MCF2L: variants seen among roughly 807,000 people sequenced by gnomAD.
The protein encoded by MCF2L is guanine nucleotide exchange factor DBS.
MCF2L carries 97 observed loss-of-function variants against 153.4 expected under a neutral mutation model. The observed-to-expected ratio is 0.63, with a 90% CI of 0.54 to 0.75. The LOEUF (loss-of-function observed/expected upper bound fraction) is 0.75, where lower values mean the gene tolerates loss of function less well. Ranked by LOEUF, MCF2L falls within the 30% of genes least tolerant of loss-of-function variation. The pLI, the probability that MCF2L is intolerant of heterozygous loss-of-function variation, is 0.00. For missense variants in MCF2L, 1,347 were observed against 1,495.2 expected, an observed-to-expected ratio of 0.90 and a Z score of 1.64; for synonymous variants, 659 against 632.2, an observed-to-expected ratio of 1.04 and a Z score of -0.64.
At chr13:113,032,950 AGTGGACCCCGTGATG>A (rs2085819728) in intron 3 of MCF2L, among the ~76,000 whole-genome samples, 1 of 151,930 alleles carries the variant, frequency 6.6e-6, no homozygotes, top group Non-Finnish European at 1.5e-5. Context: ...CCGTGACGTG[AGTGGACCCCGTGATG>A]TGAGTGGACC....
intron 13 of MCF2L, 91 bp downstream of exon 13, chr13:113,077,302 G>A: frequency 7.2e-7 from 1 of 1,383,196 alleles, no homozygotes; most frequent in East Asian, 2.6e-5. Flanking sequence ...GCAGCCACCT[G>A]CGAAAACTGT....
In MCF2L at chr13:113,094,554, C is replaced by T. The variant is rs184014403; in HGVS notation, c.2994C>T (p.Asp998=). 57 of 1,612,508 alleles carry T rather than the reference C, an allele frequency of 3.5e-5. No homozygotes were observed. Among genetic ancestry groups the T allele is most frequent in the African/African-American group, 9.3e-5 (7 of 75,058 alleles). Residue 998 remains aspartate, a synonymous_variant, in exon 27 of 30, where the codon GAC becomes GAT. Coordinates refer to ENST00000535094, the MANE Select transcript of MCF2L (RefSeq NM_001112732.3). ...CCCACTCACTGGAGGCACCTGAGGACGACGGGGGCTGGTCAAGTGCAGAGG... is the reference window on the plus strand; with the variant it reads ...CCCACTCACTGGAGGCACCTGAGGATGACGGGGGCTGGTCAAGTGCAGAGG... ...KTSHSLEAPE[D]DGGWSSAEEQ... is the part of the protein sequence containing the mutation.
intron 1 of MCF2L, among the ~76,000 whole-genome samples, chr13:112,999,325 G>A (rs1318527780): frequency 2.0e-5 from 3 of 152,156 alleles, no homozygotes; most frequent in African/African-American, 7.2e-5. Context: ...GAGACGCACA[G>A]AAGAGGGGAG....
intron 25 of MCF2L, 33 bp from the exon 26 acceptor site, chr13:113,089,577 C>G: frequency 1.4e-6 from 2 of 1,458,860 alleles, no homozygotes; most frequent in Non-Finnish European, 9.6e-7. Context: ...AGGCAACACA[C>G]TATTTCCTTT....
intron 1 of MCF2L, among the ~76,000 whole-genome samples, chr13:112,973,692 G>A (rs766447750): frequency 1.6e-4 from 25 of 152,210 alleles, no homozygotes; most frequent in Non-Finnish European, 3.1e-4. Context: ...ATGAGCTCCC[G>A]GGGGTTTCAG....
At chr13:112,952,733 C>T (rs552960894) in intron 2 of MCF2L, among the ~76,000 whole-genome samples, 5 of 152,326 alleles carry the variant, frequency 3.3e-5, no homozygotes, top group African/African-American at 1.2e-4. Flanking sequence ...GGCATGTCCC[C>T]AGCATTTGCT....
chr13:112,978,903 C>T (rs1042707042), intron 1 of MCF2L, among the ~76,000 whole-genome samples: 14 of 152,220 alleles, frequency 9.2e-5, no homozygotes, highest in African/African-American at 2.7e-4. Context: ...GTGCCCAGCA[C>T]GGTGCCCAGG....
At chr13:113,082,660 C>T in intron 17 of MCF2L, 118 bp downstream of exon 17, 1 of 731,306 alleles carries the variant, frequency 1.4e-6, no homozygotes, top group Non-Finnish European at 2.4e-6. Context: ...GGAGGGGCGC[C>T]CAAGGGGTGG....
intron 4 of MCF2L, among the ~76,000 whole-genome samples, chr13:113,058,764 C>A (rs2030797025): frequency 2.3e-5 from 2 of 88,302 alleles, no homozygotes; most frequent in South Asian, 3.8e-4. Context: ...TGTTTGGGGG[C>A]TGAGTATTTG....
intron 2 of MCF2L, among the ~76,000 whole-genome samples, chr13:112,923,127 T>C (rs1310428734): frequency 6.6e-6 from 1 of 152,214 alleles, no homozygotes; most frequent in African/African-American, 2.4e-5. Flanking sequence ...CTCAATATTA[T>C]GTTTCACCAT....
At chr13:112,980,816 C>T (rs1392270303) in intron 1 of MCF2L, among the ~76,000 whole-genome samples, 5 of 152,322 alleles carry the variant, frequency 3.3e-5, no homozygotes, top group Admixed American at 1.3e-4. Context: ...ACCACAGCAC[C>T]GTGTGAGGGA....
rs370471125 is a variant in MCF2L at position 113,081,293 on chromosome 13, C to T, written c.1875+14C>T. ...TGCGTCCTGGAGGTGAGGCTGGACT[C>T]GGGGAGGGCCGACTGCCACGGGGAC... On this transcript the variant is annotated intron_variant, in intron 16 of 29. Transcript: ENST00000535094. 1.0e-4 allele frequency: 161 copies of T among 1,573,154 alleles called. No individual in the cohort carries two copies. The highest frequency in any genetic ancestry group is 1.3e-4 in the Non-Finnish European group (154 of 1,160,638).
chr13:113,074,376 A>G lies in MCF2L; in HGVS notation c.997-68A>G. ...TTCTGTCATTTCCCTGATCTGGAGC[A>G]CTGGAGTGGGTTCTCTCTGTTCAGG... On this transcript the variant is annotated intron_variant, in intron 9 of 29. Transcript: ENST00000535094. This position sits in a 1 kb window ranked among gnomAD's most constrained non-coding sequence, Gnocchi z 4.2. The G allele has an allele frequency of 6.4e-7, 1 of 1,570,134 alleles. No homozygotes were observed. Among genetic ancestry groups the G allele is most frequent in the Non-Finnish European group, 8.7e-7 (1 of 1,144,072 alleles).
Position 112,951,825 on chromosome 13 carries a change from C to T in MCF2L, c.169+49454C>T, listed in dbSNP as rs6577022. Among the ~76,000 whole-genome samples the T allele has an allele frequency of 0.45, 68,590 of 151,956 alleles. 16,025 individuals carry two copies. The highest frequency in any genetic ancestry group is 0.56 in the African/African-American group (23,377 of 41,444). ...CCCTGGAGGAAAACGGTACACAAGA[C>T]CTCTGTTTACTGTTTCTCACAACTG... is the stretch of plus-strand genomic sequence containing the variant. On this transcript the variant is annotated intron_variant, in intron 2 of 29. Coordinates refer to the MCF2L transcript ENST00000375608. The surrounding 1 kb of genome is among the most constrained non-coding windows in gnomAD (Gnocchi z 4.8).
intron 2 of MCF2L, among the ~76,000 whole-genome samples, chr13:112,906,520 G>A (rs141582962): frequency 1.3e-5 from 2 of 152,330 alleles, no homozygotes; most frequent in South Asian, 2.1e-4. Context: ...GTTCCATGGG[G>A]TGCGTGTGGA....
In MCF2L at chr13:112,993,482, CAA is replaced by C. The variant is rs1213360189; in HGVS notation, c.80-21280_80-21279del. On this transcript the variant is annotated intron_variant, in intron 1 of 29. Transcript: ENST00000535094. This position sits in a 1 kb window ranked among gnomAD's most constrained non-coding sequence, Gnocchi z 4.6. ...GCAGTCGGGAGGGACTGCATGGAAA[CAA>C]GTGGCTTAGGACCACCCTAGTCGTT... Among the ~76,000 whole-genome samples the C allele has an allele frequency of 7.2e-5, 11 of 152,190 alleles. No homozygotes were observed. Among genetic ancestry groups the C allele is most frequent in the Admixed American group, 7.2e-4 (11 of 15,292 alleles).
upstream of MCF2L, chr13:112,965,439 T>A (rs1481505992): frequency 6.6e-6 from 1 of 152,084 alleles, no homozygotes; most frequent in Non-Finnish European, 1.5e-5. Flanking sequence ...GAATCGAGGG[T>A]TCGTTTCCAG....
In MCF2L at chr13:113,058,917, GTGTT is replaced by G. The variant is rs538244335; in HGVS notation, c.370-1673_370-1670del. On this transcript the variant is annotated intron_variant, in intron 4 of 29. Transcript: ENST00000535094. Reference sequence around the variant, plus strand: ...TGGGCGCTGAGTGTTTAGGTGCTGAGTGTTTGGGTGCTGAGTGTTTCGGCACTGT... The same window carrying G: ...TGGGCGCTGAGTGTTTAGGTGCTGAGTGGGTGCTGAGTGTTTCGGCACTGT... 1.3e-4 allele frequency among the ~76,000 whole-genome samples: 20 copies of G among 148,572 alleles called. No homozygotes were observed. In the South Asian group the frequency reaches 3.0e-3, roughly 22 times the overall value.
chr13:113,087,747 C>G lies in MCF2L; in HGVS notation c.2636C>G (p.Ala879Gly). The change falls in exon 23 of 30, where the codon GCT becomes GGT. Residue 879 changes from alanine (A) to glycine (G), a missense_variant. Physicochemically the swap from Ala to Gly is moderately conservative, Grantham distance 60. Coordinates refer to ENST00000535094, the MANE Select transcript of MCF2L (RefSeq NM_001112732.3). Reference protein sequence around the residue: ...VGITENVKGDAKKFEIWYNAR... With the variant: ...VGITENVKGDGKKFEIWYNAR... ...ATTACGGAGAACGTGAAGGGAGATGCTAAGAAGTTCGAGATCTGGTACAAC... is the reference window on the plus strand; with the variant it reads ...ATTACGGAGAACGTGAAGGGAGATGGTAAGAAGTTCGAGATCTGGTACAAC... 1 of 1,614,096 alleles carries G rather than the reference C, an allele frequency of 6.2e-7. No individual in the cohort carries two copies. Among genetic ancestry groups the G allele is most frequent in the Non-Finnish European group, 8.5e-7 (1 of 1,180,026 alleles).
Sources: gnomAD v4.1 joint callset for allele counts (sites outside exome capture counted in the v4.1 genomes callset) on GRCh38, gnomAD v4.1.1 for gene constraint, Gnocchi (gnomAD v3.1) non-coding constraint, MANE v1.5 for transcripts, NCBI Gene and HGNC (gene_info 2026-07-23, HGNC 2026-07-21) for gene names.